Variants in RREB1 observed in about 807,000 individuals in gnomAD.
RREB1 encodes the protein ras-responsive element-binding protein 1.
RREB1 carries 27 observed loss-of-function variants against 117.8 expected under a neutral mutation model. The ratio of observed to expected loss-of-function variants is 0.23; its 90% confidence interval spans 0.17 to 0.32. The LOEUF (loss-of-function observed/expected upper bound fraction) is 0.32. RREB1 is among the 10% of genes least tolerant of loss of function. RREB1 has a pLI of 1.00. For missense variants in RREB1, 2,577 were observed against 2,378.2 expected (o/e 1.08, Z -1.74); for synonymous variants, 1,298 against 1,026.7 (o/e 1.26, Z -5.05).
intron 1 of RREB1, among the ~76,000 whole-genome samples, chr6:7,156,191 A>G (rs575548317): frequency 6.6e-6 from 1 of 152,368 alleles, no homozygotes; most frequent in Non-Finnish European, 1.5e-5. Context: ...ATTGAAGGGA[A>G]CAGAGGTGGG....
chr6:7,162,368 G>A (rs1243563989), intron 1 of RREB1, among the ~76,000 whole-genome samples: 1 of 152,138 alleles, frequency 6.6e-6, no homozygotes, highest in Non-Finnish European at 1.5e-5. Flanking sequence ...CGTGTGGCTG[G>A]GAGGCGAATC....
At chr6:7,140,085 T>A (rs538831655) in intron 1 of RREB1, among the ~76,000 whole-genome samples, 3 of 152,328 alleles carry the variant, frequency 2.0e-5, no homozygotes, top group African/African-American at 7.2e-5. Flanking sequence ...TTTTTTTAAT[T>A]ATTGAGAATT....
chr6:7,187,024 G>A (rs1014381872), intron 4 of RREB1, among the ~76,000 whole-genome samples: 2 of 152,194 alleles, frequency 1.3e-5, no homozygotes, highest in African/African-American at 2.4e-5. Context: ...GAAACCTGTT[G>A]CAAAATAGCC....
intron 10 of RREB1, among the ~76,000 whole-genome samples, chr6:7,239,282 C>T (rs1768533849): frequency 6.6e-6 from 1 of 152,158 alleles, no homozygotes; most frequent in African/African-American, 2.4e-5. Flanking sequence ...AACCTTTTAC[C>T]CTGTAACATT....
rs745518700 is a variant in RREB1 at position 7,194,381 on chromosome 6, C to CTCT, written c.425+5060_425+5062dup. On this transcript the variant is annotated intron_variant, in intron 6 of 12. Coordinates refer to ENST00000379938, the MANE Select transcript of RREB1 (RefSeq NM_001003699.4). ...CCTGGCCAACATAACAATATCATGT[C>CTCT]TCTACTAAAAATACAAAAAATTAGC... Among the ~76,000 whole-genome samples, 254 of 152,212 alleles carry CTCT rather than the reference C, an allele frequency of 1.7e-3. 2 individuals are homozygous for CTCT. The highest frequency in any genetic ancestry group is 2.5e-3 in the South Asian group (12 of 4,822).
intron 6 of RREB1, among the ~76,000 whole-genome samples, chr6:7,203,097 G>A (rs144370916): frequency 3.9e-5 from 6 of 152,310 alleles, no homozygotes; most frequent in African/African-American, 9.6e-5. Context: ...TAGGAATCAT[G>A]TCTAGAGTAA....
intron 6 of RREB1, among the ~76,000 whole-genome samples, chr6:7,209,880 C>A (rs972482265): frequency 6.6e-6 from 1 of 152,230 alleles, no homozygotes; most frequent in Non-Finnish European, 1.5e-5. Flanking sequence ...AAAGCTGTGG[C>A]TATGGTCCTA....
chr6:7,157,119 T>C (rs1233981207), intron 1 of RREB1, among the ~76,000 whole-genome samples: 1 of 152,122 alleles, frequency 6.6e-6, no homozygotes, highest in African/African-American at 2.4e-5. Context: ...GCCCATTTTT[T>C]GGAGATGACT....
chr6:7,242,064 G>A (rs1768739050), intron 11 of RREB1, among the ~76,000 whole-genome samples: 1 of 152,218 alleles, frequency 6.6e-6, no homozygotes, highest in Admixed American at 6.5e-5. Context: ...CTTTCATCCT[G>A]GTTTAGAAAG....
intron 5 of RREB1, 26 bp downstream of exon 5, chr6:7,187,549 T>C (rs1581509810): frequency 3.2e-6 from 2 of 626,166 alleles, no homozygotes; most frequent in African/African-American, 2.2e-5. Context: ...TCTTTTATTT[T>C]ATTTTATTTT....
At chr6:7,192,116 ATTTTTTTTTTTT>A (rs34074532) in intron 6 of RREB1, among the ~76,000 whole-genome samples, 1 of 15,296 alleles carries the variant, frequency 6.5e-5, no homozygotes, top group African/African-American at 3.0e-4. Flanking sequence ...TTGTCAGATG[ATTTTTTTTTTTT>A]TTTTTTTTTT....
intron 1 of RREB1, among the ~76,000 whole-genome samples, chr6:7,135,223 G>A (rs145304421): frequency 2.2e-4 from 33 of 152,218 alleles, no homozygotes; most frequent in African/African-American, 7.7e-4. Context: ...TATCTTCCTT[G>A]TGCCTTCTTA....
intron 6 of RREB1, among the ~76,000 whole-genome samples, chr6:7,191,098 G>A (rs533754729): frequency 4.6e-5 from 7 of 152,272 alleles, no homozygotes; most frequent in East Asian, 3.9e-4. Context: ...TATAAAAGGC[G>A]TAGTTATTGT....
intron 8 of RREB1, among the ~76,000 whole-genome samples, chr6:7,221,774 T>C (rs1159308016): frequency 2.6e-5 from 4 of 152,170 alleles, no homozygotes; most frequent in African/African-American, 9.7e-5. Context: ...CCCATGAGTT[T>C]TGCAGTTAGA....
At chr6:7,226,115 A>C (rs1767571490) in intron 8 of RREB1, among the ~76,000 whole-genome samples, 1 of 152,174 alleles carries the variant, frequency 6.6e-6, no homozygotes. Flanking sequence ...GAAACCTCTG[A>C]CATGATCCCA....
At position 7,181,777 on chromosome 6, in the gene RREB1, G is replaced by T. The variant is rs193290895; in HGVS notation, c.-42-93G>T. ...AGACAGCGTTGGATGTTTTTGACCT[G>T]AATTACAATTAGAGTAGCCATGGCC... On this transcript the variant is annotated intron_variant, in intron 3 of 12. Coordinates refer to ENST00000379938, the MANE Select transcript of RREB1 (RefSeq NM_001003699.4). The T allele has an allele frequency of 1.1e-3, 942 of 876,536 alleles. 14 individuals are homozygous for T. The Admixed American group carries it at 0.017, about 16-fold the overall frequency. 54.3% of individuals were successfully genotyped at this position (876,536 alleles called of 1,614,324 possible). A position where few individuals can be genotyped will look rare whatever the true frequency, so the allele number is the denominator to read the frequency against.
chr6:7,196,515 T>C (rs1249751098), intron 6 of RREB1, among the ~76,000 whole-genome samples: 2 of 152,152 alleles, frequency 1.3e-5, no homozygotes, highest in African/African-American at 4.8e-5. Context: ...GAAGGTAGCA[T>C]ATTAAATTAT....
intron 6 of RREB1, among the ~76,000 whole-genome samples, chr6:7,198,379 C>T (rs1050291025): frequency 8.5e-5 from 13 of 152,154 alleles, no homozygotes; most frequent in Non-Finnish European, 1.8e-4. Context: ...TTTTGTTTCC[C>T]TTGAAATACT....
chr6:7,124,397 T>G (rs140082130), intron 1 of RREB1, among the ~76,000 whole-genome samples: 1,869 of 152,256 alleles, frequency 0.012, 19 homozygotes, highest in Non-Finnish European at 0.018. Context: ...GGAAGTGGAA[T>G]TTTGGAAGGG....
Sources: allele counts gnomAD v4.1 joint callset (sites outside exome capture counted in the v4.1 genomes callset), GRCh38; gene constraint gnomAD v4.1.1; transcripts MANE v1.5; gene names NCBI Gene and HGNC (gene_info 2026-07-23, HGNC 2026-07-21).